The following CDH18 variants were observed in gnomAD, a reference collection of about 807,000 sequenced individuals.
CDH18 encodes cadherin-18.
Under a neutral mutation model 67.9 loss-of-function variants are expected in CDH18, and 31 were observed. The ratio of observed to expected loss-of-function variants is 0.46; its 90% CI spans 0.34 to 0.62. The LOEUF is 0.62. Ranked by LOEUF, CDH18 falls within the 20% of genes least tolerant of loss-of-function variation. The pLI is 0.01. For synonymous variants in CDH18, 362 were observed against 347.2 expected (o/e 1.04, Z -0.48); for missense variants, 890 against 975.5 (o/e 0.91, Z 1.17).
intron 2 of CDH18, among the ~76,000 whole-genome samples, chr5:20,085,055 T>C (rs1744825333): frequency 6.6e-6 from 1 of 152,218 alleles, no homozygotes; most frequent in South Asian, 2.1e-4. Flanking sequence ...GATTTTGTTT[T>C]CTATTGCATT....
intron 2 of CDH18, among the ~76,000 whole-genome samples, chr5:20,007,152 A>G (rs905008007): frequency 2.4e-4 from 37 of 151,944 alleles, no homozygotes; most frequent in Non-Finnish European, 3.1e-4. Context: ...TAGATTATAT[A>G]TAAGTAAAGA....
At chr5:19,879,607 A>G (rs1307999914) in intron 2 of CDH18, among the ~76,000 whole-genome samples, 1 of 152,032 alleles carries the variant, frequency 6.6e-6, no homozygotes, top group Admixed American at 6.6e-5. Context: ...TATTCATTAA[A>G]ATAATTGGAA....
intron 2 of CDH18, among the ~76,000 whole-genome samples, chr5:19,862,089 C>T (rs116378937): frequency 0.015 from 2,321 of 152,052 alleles, 66 homozygotes; most frequent in African/African-American, 0.053. Flanking sequence ...TCAGGGTAGC[C>T]CAACAGAGCA....
At chr5:19,553,382 T>C (rs1737801086) in intron 8 of CDH18, among the ~76,000 whole-genome samples, 1 of 151,758 alleles carries the variant, frequency 6.6e-6, no homozygotes, top group Admixed American at 6.6e-5. Flanking sequence ...GTTGTGAACA[T>C]GTACCCTAAA....
At chr5:20,438,018 A>C (rs1178789568) in intron 1 of CDH18, among the ~76,000 whole-genome samples, 2 of 151,372 alleles carry the variant, frequency 1.3e-5, no homozygotes, top group East Asian at 3.9e-4. Flanking sequence ...TATTTTTGAC[A>C]TTATAACATG....
chr5:20,471,555 A>C (rs1752072692), intron 1 of CDH18, among the ~76,000 whole-genome samples: 1 of 152,034 alleles, frequency 6.6e-6, no homozygotes, highest in South Asian at 2.1e-4. Context: ...TAATCCCAGC[A>C]CTTTGGGAGG....
At chr5:19,935,795 A>ACTCTCTCTCT (rs70954623) in intron 2 of CDH18, among the ~76,000 whole-genome samples, 55 of 117,352 alleles carry the variant, frequency 4.7e-4, no homozygotes, top group African/African-American at 1.5e-3. Flanking sequence ...ACAGTCAGGA[A>ACTCTCTCTCT]CTCTCTCTCT....
chr5:20,360,521 G>A (rs1293991431), intron 1 of CDH18, among the ~76,000 whole-genome samples: 1 of 152,116 alleles, frequency 6.6e-6, no homozygotes, highest in South Asian at 2.1e-4. Context: ...CAGGAATTAG[G>A]TGCCAAATGG....
intron 2 of CDH18, among the ~76,000 whole-genome samples, chr5:20,117,253 G>A (rs989496354): frequency 1.3e-5 from 2 of 152,042 alleles, no homozygotes; most frequent in Non-Finnish European, 2.9e-5. Flanking sequence ...TTCATATGCT[G>A]TACATCAAGG....
intron 1 of CDH18, among the ~76,000 whole-genome samples, chr5:20,365,606 A>G (rs1562006260): frequency 6.6e-6 from 1 of 152,190 alleles, no homozygotes; most frequent in Non-Finnish European, 1.5e-5. Context: ...CATCACCACT[A>G]TTGATGGATA....
At chr5:20,349,314 G>C (rs7721053) in intron 1 of CDH18, among the ~76,000 whole-genome samples, 1 of 152,004 alleles carries the variant, frequency 6.6e-6, no homozygotes, top group East Asian at 1.9e-4. Context: ...ACAAAAGATC[G>C]AATTTTAGTA....
At chr5:19,779,438 G>A (rs1420370719) in intron 3 of CDH18, among the ~76,000 whole-genome samples, 4 of 152,088 alleles carry the variant, frequency 2.6e-5, no homozygotes, top group Non-Finnish European at 4.4e-5. Context: ...AAATACAATC[G>A]AAGCTGAATT....
In CDH18 at chr5:20,003,567, TA is replaced by T. The variant is rs1388869887; in HGVS notation, c.-517-11554del. On this transcript the variant is annotated intron_variant, in intron 2 of 14. Transcript: ENST00000507958. ...CCTACAACCTCCTTTTCTCCTCTAC[TA>T]ACAAATGATTTTATATCAATTTTAT... is the stretch of plus-strand genomic sequence containing the variant. Among the ~76,000 whole-genome samples, 3 of 152,216 alleles carry T rather than the reference TA, an allele frequency of 2.0e-5. No homozygotes were observed. In the East Asian group the frequency reaches 5.8e-4, roughly 29 times the overall value.
intron 2 of CDH18, among the ~76,000 whole-genome samples, chr5:19,863,893 G>A (rs1005451620): frequency 1.3e-5 from 2 of 152,110 alleles, no homozygotes; most frequent in African/African-American, 2.4e-5. Flanking sequence ...ACACAAACTC[G>A]ATGTGGAGAA....
chr5:19,747,388 A>AT, intron 3 of CDH18, 152 bp from the exon 4 acceptor site: 1 of 568,776 alleles, frequency 1.8e-6, no homozygotes, highest in Admixed American at 3.7e-5. Context: ...GCTTTTCTGC[A>AT]GTTTTTTTTT....
At chr5:20,448,356 A>G (rs1750175038) in intron 1 of CDH18, among the ~76,000 whole-genome samples, 1 of 152,098 alleles carries the variant, frequency 6.6e-6, no homozygotes, top group African/African-American at 2.4e-5. Flanking sequence ...AAGTTTATAC[A>G]TAATTTTACT....
rs375736859 is a variant in CDH18 at position 19,747,074 on chromosome 5, T to C, written c.391A>G (p.Ile131Val). 63 of 1,614,046 alleles carry C rather than the reference T, an allele frequency of 3.9e-5. No homozygotes were observed. The highest frequency in any genetic ancestry group is 5.2e-5 in the Non-Finnish European group (61 of 1,180,020). Reference sequence around the variant, plus strand: ...AGAGGTTTGTTTGTACGTCTATCAATAGCTTGAGCATGAAGCACATAGTGG... The same window carrying C: ...AGAGGTTTGTTTGTACGTCTATCAACAGCTTGAGCATGAAGCACATAGTGG... The part of the protein sequence containing the change: ...KTHYVLHAQA[I>V]DRRTNKPLEP... Residue 131 changes from isoleucine (I) to valine (V), a missense_variant, in exon 4 of 13, where the codon ATT becomes GTT. Ile to Val is a conservative substitution (Grantham distance 29). Transcript: ENST00000382275.
intron 1 of CDH18, among the ~76,000 whole-genome samples, chr5:20,289,928 G>GAA (rs926101672): frequency 6.6e-5 from 10 of 151,976 alleles, no homozygotes; most frequent in Admixed American, 6.6e-4. Flanking sequence ...TAATCGCTTA[G>GAA]TTTTGTTGTT....
In CDH18 at chr5:19,916,744, C is replaced by T. The variant is rs139282043; in HGVS notation, c.-257+64316G>A. The stretch of plus-strand genomic sequence containing the variant: ...AAATTTTTTTTCTGTTAAGTTCTAG[C>T]AATGATTCAAGTCTGTGAAGGGCGT... On this transcript the variant is annotated intron_variant, in intron 2 of 12. Coordinates refer to ENST00000382275, the MANE Select transcript of CDH18 (RefSeq NM_004934.5). Among the ~76,000 whole-genome samples the T allele has an allele frequency of 1.9e-3, 286 of 152,198 alleles. 1 individual carries two copies. Among genetic ancestry groups the T allele is most frequent in the African/African-American group, 6.5e-3 (268 of 41,544 alleles).
Sources: allele counts gnomAD v4.1 joint callset (sites outside exome capture counted in the v4.1 genomes callset), GRCh38; gene constraint gnomAD v4.1.1; transcripts MANE v1.5; gene names NCBI Gene and HGNC (gene_info 2026-07-23, HGNC 2026-07-21).